The following FMN1 variants were observed in gnomAD, a reference collection of about 807,000 sequenced individuals.
The protein encoded by FMN1 is formin 1.
In FMN1, 110 loss-of-function variants were observed where a neutral mutation model predicts 132.4. The observed-to-expected ratio is 0.83, with a 90% CI of 0.71 to 0.97. FMN1 has a LOEUF of 0.97. Among genes scored for constraint, FMN1 ranks in the 50% least tolerant of loss-of-function variants. The pLI is 0.00. For missense variants in FMN1, 1,792 were observed against 1,705.3 expected, an observed-to-expected ratio of 1.05 and a Z score of -0.90; for synonymous variants, 722 against 651.7, an observed-to-expected ratio of 1.11 and a Z score of -1.64.
chr15:33,053,779 G>C (rs1218248742), intron 6 of FMN1, among the ~76,000 whole-genome samples: 1 of 152,190 alleles, frequency 6.6e-6, no homozygotes, highest in East Asian at 1.9e-4. Context: ...CCAGTAAAGG[G>C]AGTCTCTGCC....
intron 4 of FMN1, among the ~76,000 whole-genome samples, chr15:33,102,608 T>C (rs1469398021): frequency 4.6e-5 from 7 of 152,072 alleles, no homozygotes; most frequent in Admixed American, 4.6e-4. Flanking sequence ...TTAAATGATA[T>C]TGGGTATTAT....
intron 10 of FMN1, among the ~76,000 whole-genome samples, chr15:32,912,094 T>A (rs1314518599): frequency 6.6e-6 from 1 of 152,224 alleles, no homozygotes; most frequent in Non-Finnish European, 1.5e-5. Flanking sequence ...CTACCAAAAA[T>A]GTTTACATGT....
chr15:32,998,188 A>G (rs2033890997), intron 7 of FMN1, among the ~76,000 whole-genome samples: 1 of 152,166 alleles, frequency 6.6e-6, no homozygotes, highest in Non-Finnish European at 1.5e-5. Flanking sequence ...GCTGTATTTG[A>G]TGGTATCACA....
At chr15:32,884,191 T>G (rs1216098394) in intron 16 of FMN1, among the ~76,000 whole-genome samples, 1 of 152,180 alleles carries the variant, frequency 6.6e-6, no homozygotes, top group Non-Finnish European at 1.5e-5. Flanking sequence ...ATATATCACC[T>G]TTTAGTTCTA....
rs71113496 is a variant in FMN1, at chr15:33,026,410, TCACA to T, written c.2162-18339_2162-18336del. Reference sequence around the variant, plus strand: ...AACATTAGAGGATACGTCCAAATTTTCACACACACACACACACACACACACACAC... The same window carrying T: ...AACATTAGAGGATACGTCCAAATTTTCACACACACACACACACACACACAC... On this transcript the variant is annotated intron_variant, in intron 6 of 20. Transcript: ENST00000616417. 2.9e-3 allele frequency among the ~76,000 whole-genome samples: 402 copies of T among 140,216 alleles called. 3 individuals carry two copies. Among genetic ancestry groups the T allele is most frequent in the African/African-American group, 9.1e-3 (348 of 38,150 alleles). The allele number at this position is 140,216 out of a possible 152,430, so 92.0% of individuals were successfully genotyped here. A position where few individuals can be genotyped will look rare whatever the true frequency, so the allele number is the denominator to read the frequency against.
chr15:33,042,237 T>G (rs2036473955), intron 6 of FMN1, among the ~76,000 whole-genome samples: 1 of 152,164 alleles, frequency 6.6e-6, no homozygotes, highest in East Asian at 1.9e-4. Context: ...GGTACAAGTT[T>G]ACTGAAGGTC....
intron 7 of FMN1, among the ~76,000 whole-genome samples, chr15:33,007,318 G>A (rs1395771689): frequency 1.3e-5 from 2 of 152,174 alleles, no homozygotes; most frequent in African/African-American, 2.4e-5. Context: ...CTCTCCTGAA[G>A]CAGGGGGTTA....
At chr15:33,031,476 C>A (rs1038593357) in intron 6 of FMN1, among the ~76,000 whole-genome samples, 2 of 152,160 alleles carry the variant, frequency 1.3e-5, no homozygotes, top group Admixed American at 6.5e-5. Context: ...GACCAGTCAG[C>A]ACCAATTCAT....
intron 3 of FMN1, among the ~76,000 whole-genome samples, chr15:33,167,177 C>T (rs117223992): frequency 4.6e-5 from 7 of 152,122 alleles, no homozygotes; most frequent in South Asian, 2.1e-4. Context: ...ATAATCCCCA[C>T]GTGTCATGGG....
intron 6 of FMN1, among the ~76,000 whole-genome samples, chr15:33,030,519 G>C (rs2141062037): frequency 6.6e-6 from 1 of 152,308 alleles, no homozygotes; most frequent in Non-Finnish European, 1.5e-5. Context: ...TGCCTTATTG[G>C]TTTAATGGGG....
chr15:32,990,345 C>T (rs2033356541), intron 7 of FMN1, among the ~76,000 whole-genome samples: 1 of 152,056 alleles, frequency 6.6e-6, no homozygotes. Context: ...AATTCGCTGT[C>T]CCAGATGTTG....
At chr15:32,914,825 T>A (rs961056603) in intron 10 of FMN1, among the ~76,000 whole-genome samples, 2 of 151,778 alleles carry the variant, frequency 1.3e-5, no homozygotes, top group African/African-American at 4.8e-5. Flanking sequence ...CTTTGTACCA[T>A]CCCCCCAGAA....
intron 17 of FMN1, among the ~76,000 whole-genome samples, chr15:32,828,076 T>G (rs947183911): frequency 2.6e-5 from 4 of 152,172 alleles, no homozygotes; most frequent in African/African-American, 9.7e-5. Context: ...GTGGATCACT[T>G]GAGGTTGGGA....
At chr15:32,823,178 T>G (rs896350510) in intron 17 of FMN1, among the ~76,000 whole-genome samples, 6 of 124,102 alleles carry the variant, frequency 4.8e-5, no homozygotes, top group African/African-American at 8.5e-5. Context: ...TTTTTTTTTT[T>G]TGAGACAGAG....
At chr15:33,048,965 G>A (rs1304847556) in intron 6 of FMN1, among the ~76,000 whole-genome samples, 1 of 152,176 alleles carries the variant, frequency 6.6e-6, no homozygotes, top group Non-Finnish European at 1.5e-5. Flanking sequence ...TTTAGTAAAA[G>A]ATTAAAAGAA....
At chr15:32,785,220 T>TATA (rs1567163233) in intron 19 of FMN1, among the ~76,000 whole-genome samples, 23 of 26,162 alleles carry the variant, frequency 8.8e-4, no homozygotes, top group Admixed American at 1.5e-3. Flanking sequence ...ATATATATAT[T>TATA]TTTTTTTTTT....
At chr15:33,113,201 G>C (rs1461059805) in intron 4 of FMN1, among the ~76,000 whole-genome samples, 3 of 152,078 alleles carry the variant, frequency 2.0e-5, no homozygotes, top group Non-Finnish European at 4.4e-5. Flanking sequence ...TCATTTGTTA[G>C]GGGGTTGCTC....
At chr15:33,132,014 C>T (rs1223674604) in intron 4 of FMN1, among the ~76,000 whole-genome samples, 3 of 152,204 alleles carry the variant, frequency 2.0e-5, no homozygotes, top group South Asian at 2.1e-4. Context: ...CCCGAAATGA[C>T]CTTTGCCTTC....
At chr15:32,914,848 G>A (rs2060646747) in intron 10 of FMN1, among the ~76,000 whole-genome samples, 2 of 152,190 alleles carry the variant, frequency 1.3e-5, no homozygotes. Flanking sequence ...AGGCAGAGGA[G>A]TCTAAGAGGT....
Sources: allele counts gnomAD v4.1 joint callset (sites outside exome capture counted in the v4.1 genomes callset), GRCh38; gene constraint gnomAD v4.1.1; transcripts MANE v1.5; gene names NCBI Gene and HGNC (gene_info 2026-07-23, HGNC 2026-07-21).